PTCD1: variants seen among roughly 807,000 people sequenced by gnomAD.
PTCD1 encodes the protein pentatricopeptide repeat domain 1.
PTCD1 carries 50 observed loss-of-function variants against 53.4 expected under a neutral mutation model. That is an observed-to-expected ratio of 0.94 (90% CI 0.75 to 1.19). PTCD1 has a LOEUF of 1.19. Ranked by LOEUF, PTCD1 falls within the 50% of genes most tolerant of loss-of-function variation. The probability of loss-of-function intolerance (pLI) is 0.00; values close to 1 mark genes in which losing one functional copy is unlikely to be tolerated. For missense variants in PTCD1, 918 were observed against 904.8 expected, an observed-to-expected ratio of 1.01 and a Z score of -0.19; for synonymous variants, 413 against 394.8, an observed-to-expected ratio of 1.05 and a Z score of -0.55.
rs1179274680 is a variant in PTCD1 at position 99,419,579 on chromosome 7, G to C, written c.*388C>G. On this transcript the variant is annotated 3_prime_UTR_variant, in exon 8 of 8. Transcript: ENST00000292478. The stretch of plus-strand genomic sequence containing the variant: ...ATGGGGAAGGCTTCGCTGTCTATCA[G>C]CTGTGATTTGTAAAAATAAAATCTT... 4.2e-6 allele frequency: 4 copies of C among 955,730 alleles called. No homozygotes were observed. The East Asian group carries it at 7.5e-5, about 18-fold the overall frequency. 59.2% of individuals were successfully genotyped at this position (955,730 alleles called of 1,614,324 possible).
intron 3 of PTCD1, among the ~76,000 whole-genome samples, chr7:99,431,195 G>A (rs1003614800): frequency 6.6e-6 from 1 of 151,534 alleles, no homozygotes; most frequent in Non-Finnish European, 1.5e-5. Context: ...GCGTGATCTC[G>A]GCTCACTACG....
At chr7:99,432,366 C>A (rs1002691769) in intron 3 of PTCD1, among the ~76,000 whole-genome samples, 1 of 152,196 alleles carries the variant, frequency 6.6e-6, no homozygotes, top group Non-Finnish European at 1.5e-5. Context: ...GTGGGACCTG[C>A]TGGAGACAAT....
At chr7:99,433,185 C>G (rs560353712) in intron 3 of PTCD1, 93 bp downstream of exon 3, 1 of 1,596,940 alleles carries the variant, frequency 6.3e-7, no homozygotes, top group South Asian at 1.1e-5. Context: ...GGTGAAGTCA[C>G]CTGCCCAGTG....
At chr7:99,423,648 A>C in intron 7 of PTCD1, 127 bp downstream of exon 7, 1 of 1,490,456 alleles carries the variant, frequency 6.7e-7, no homozygotes. Context: ...ACTGCTCCTA[A>C]GGGAAGCTGC....
Position 99,419,770 on chromosome 7 carries a change from G to A in PTCD1, c.*197C>T, listed in dbSNP as rs942751275. 2 of 850,278 alleles carry A rather than the reference G, an allele frequency of 2.4e-6. No individual in the cohort carries two copies. The highest frequency in any genetic ancestry group is 3.6e-6 in the Non-Finnish European group (2 of 559,700). The allele number at this position is 850,278 out of a possible 1,614,324, so 52.7% of individuals were successfully genotyped here. A position where few individuals can be genotyped will look rare whatever the true frequency, so the allele number is the denominator to read the frequency against. ...TCCCGTGAAGGTGACACGCAAAGGT[G>A]GCTGGAGCTGCACTTGGACCTGCTG... is the stretch of plus-strand genomic sequence containing the variant. On this transcript the variant is annotated 3_prime_UTR_variant, in exon 8 of 8. Transcript: ENST00000292478.
intron 7 of PTCD1, among the ~76,000 whole-genome samples, chr7:99,422,715 CA>C (rs1795869899): frequency 6.6e-6 from 1 of 152,310 alleles, no homozygotes; most frequent in Admixed American, 6.5e-5. Context: ...ACCTGGGAGC[CA>C]GATATGTTCA....
chr7:99,433,686 C>G (rs572142367), intron 2 of PTCD1, among the ~76,000 whole-genome samples: 43 of 152,320 alleles, frequency 2.8e-4, no homozygotes, highest in Non-Finnish European at 5.9e-4. Context: ...ATGAGCCAGA[C>G]AAGGTCTATC....
chr7:99,435,827 G>A (rs752544797), intron 1 of PTCD1, among the ~76,000 whole-genome samples: 10 of 148,544 alleles, frequency 6.7e-5, no homozygotes, highest in Non-Finnish European at 1.2e-4. Flanking sequence ...CCCAGCTACT[G>A]AGGAGACTGA....
At chr7:99,433,129 A>T in intron 3 of PTCD1, 149 bp downstream of exon 3, 1 of 1,271,012 alleles carries the variant, frequency 7.9e-7, no homozygotes. Flanking sequence ...CTCGTTTATC[A>T]CCCACAATCA....
chr7:99,433,091 G>T, intron 3 of PTCD1, 187 bp downstream of exon 3: 1 of 851,742 alleles, frequency 1.2e-6, no homozygotes, highest in Non-Finnish European at 1.9e-6. Flanking sequence ...CACAGTCCAG[G>T]CAGGTGCTAA....
intron 5 of PTCD1, among the ~76,000 whole-genome samples, chr7:99,428,187 T>C (rs898351796): frequency 2.0e-5 from 3 of 150,398 alleles, no homozygotes; most frequent in Non-Finnish European, 3.0e-5. Flanking sequence ...GATCACGAGG[T>C]AGGAGAGCGA....
Position 99,425,378 on chromosome 7 carries a change from T to C in PTCD1, c.1154A>G (p.Glu385Gly). Reference protein sequence around the residue: ...MSAMLHVEALERQLFLEPSQA... With the variant: ...MSAMLHVEALGRQLFLEPSQA... ...AGAAGGTTCCAGAAACAGCTGCCTC[T>C]CCAGGGCCTCCACATGCAGCATGGC... The change falls in exon 6 of 8, where the codon GAG (glutamate) becomes GGG (glycine). Residue 385 changes from glutamate to glycine, a missense_variant. Transcript: ENST00000292478. 1 of 1,614,150 alleles carries C rather than the reference T, an allele frequency of 6.2e-7. No homozygotes were observed. The highest frequency in any genetic ancestry group is 8.5e-7 in the Non-Finnish European group (1 of 1,180,030).
chr7:99,428,984 A>C, intron 5 of PTCD1, 119 bp downstream of exon 5: 1 of 1,265,676 alleles, frequency 7.9e-7, no homozygotes, highest in Admixed American at 1.8e-5. Context: ...GGGTTTTCAG[A>C]AAAGAGCACA....
At chr7:99,438,405 C>CA (rs1796579960) in intron 1 of PTCD1, 1 of 542,510 alleles carries the variant, frequency 1.8e-6, no homozygotes, top group Non-Finnish European at 2.4e-6. Context: ...AAGTTGACTG[C>CA]AGTGAGCTAT....
Position 99,416,999 on chromosome 7 carries a change from G to T in PTCD1, c.*2968C>A. On this transcript the variant is annotated 3_prime_UTR_variant, in exon 8 of 8. Coordinates refer to ENST00000292478, the MANE Select transcript of PTCD1 (RefSeq NM_015545.4). Reference sequence around the variant, plus strand: ...TGGGATTACAGGTGTGAGGCACCTTGCCTGGCCTAAGTACTTTTTTTTTTT... The same window carrying T: ...TGGGATTACAGGTGTGAGGCACCTTTCCTGGCCTAAGTACTTTTTTTTTTT... 6.0e-6 allele frequency: 1 copy of T among 167,858 alleles called. No homozygotes were observed. The highest frequency in any genetic ancestry group is 1.9e-4 in the East Asian group (1 of 5,202). The allele number at this position is 167,858 out of a possible 1,614,324, so 10.4% of individuals were successfully genotyped here. A position where few individuals can be genotyped will look rare whatever the true frequency, so the allele number is the denominator to read the frequency against.
chr7:99,421,251 G>A (rs1427814121), intron 7 of PTCD1, among the ~76,000 whole-genome samples: 1 of 151,912 alleles, frequency 6.6e-6, no homozygotes, highest in Non-Finnish European at 1.5e-5. Flanking sequence ...ACCAGTTTGG[G>A]CAATATAGTG....
chr7:99,424,666 ACT>A (rs2150949544), intron 6 of PTCD1, 127 bp downstream of exon 6: 1 of 1,269,518 alleles, frequency 7.9e-7, no homozygotes, highest in Non-Finnish European at 1.1e-6. Flanking sequence ...CATTGACCCC[ACT>A]CTCTTTGCCC....
intron 2 of PTCD1, among the ~76,000 whole-genome samples, chr7:99,434,404 G>C (rs573666364): frequency 6.6e-6 from 1 of 150,624 alleles, no homozygotes. Context: ...AGCCAAGATC[G>C]TGCCACTGCA....
At position 99,420,096 on chromosome 7, in the gene PTCD1, G is replaced by C; in HGVS notation, c.1974C>G (p.Tyr658Ter). Reference sequence around the variant, plus strand: ...CGGGCATCACTGTCAGCCACTGCTTGTAATAGGCTCGGAAGCCGTCAATCT... The same window carrying C: ...CGGGCATCACTGTCAGCCACTGCTTCTAATAGGCTCGGAAGCCGTCAATCT... Reference protein sequence around the residue: ...LEKIDGFRAYYKQWLTVMPAE... With the variant: ...LEKIDGFRAY Residue 658 changes from tyrosine (Y) to a stop codon, truncating the protein, a stop_gained, in exon 8 of 8, where the codon TAC becomes TAG. Coordinates refer to ENST00000292478, the MANE Select transcript of PTCD1 (RefSeq NM_015545.4). LOFTEE classifies it low-confidence loss of function (END_TRUNC). 1.2e-6 allele frequency: 2 copies of C among 1,614,222 alleles called. No homozygotes were observed.
Sources: allele counts gnomAD v4.1 joint callset (sites outside exome capture counted in the v4.1 genomes callset), GRCh38; gene constraint gnomAD v4.1.1; transcripts MANE v1.5; gene names NCBI Gene and HGNC (gene_info 2026-07-23, HGNC 2026-07-21).